The following USP44 variants were observed in gnomAD, a reference collection of about 807,000 sequenced individuals.
USP44 encodes the protein ubiquitin carboxyl-terminal hydrolase 44.
A neutral mutation model predicts 69.0 loss-of-function variants in USP44; 61 were observed. The ratio of observed to expected loss-of-function variants is 0.88; its 90% confidence interval spans 0.72 to 1.09. USP44 has a LOEUF of 1.09. Ranked by LOEUF, USP44 falls within the 50% of genes least tolerant of loss-of-function variation. The pLI is 0.00. For synonymous variants in USP44, 297 were observed against 295.4 expected, an observed-to-expected ratio of 1.01 and a Z score of -0.06; for missense variants, 753 against 849.9, an observed-to-expected ratio of 0.89 and a Z score of 1.42.
At position 95,521,070 on chromosome 12, in the gene USP44, G is replaced by A. The variant is rs376331774; in HGVS notation, c.1866C>T (p.Ser622=). 8.7e-6 allele frequency: 14 copies of A among 1,614,154 alleles called. No homozygotes were observed. The East Asian group carries it at 2.0e-4, about 23-fold the overall frequency. ...CTTTCCCATGGTGCATCACCACCGC[G>A]GACAAGTCATAGATAAAGCATTCTG... The part of the protein sequence containing the change: ...LRPECFIYDL[S]AVVMHHGKGF... Residue 622 remains serine (S), a synonymous_variant, in exon 5 of 6, where the codon TCC becomes TCT. Transcript: ENST00000258499.
At chr12:95,522,595 T>TCACC (rs752796594) in intron 4 of USP44, among the ~76,000 whole-genome samples, 11 of 151,910 alleles carry the variant, frequency 7.2e-5, no homozygotes, top group Non-Finnish European at 1.5e-4. Flanking sequence ...CTGGCTAACA[T>TCACC]GGTGAAACCC....
chr12:95,534,042 A>G lies in USP44; in HGVS notation c.215T>C (p.Val72Ala). 2.5e-6 allele frequency: 4 copies of G among 1,614,112 alleles called. No individual in the cohort carries two copies. Among genetic ancestry groups the G allele is most frequent in the Non-Finnish European group, 3.4e-6 (4 of 1,180,028 alleles). ...QESSHPVALE[V>A]NEMYVFCYLC... ...GTAACAAAAAACGTACATCTCATTC[A>G]CCTCCAATGCAACAGGATGACTGCT... is the stretch of plus-strand genomic sequence containing the variant. The change falls in exon 2 of 6, where the codon GTG becomes GCG. Residue 72 changes from valine (V) to alanine (A), a missense_variant. Physicochemically the swap from Val to Ala is moderately conservative, Grantham distance 64 (BLOSUM62 0). Transcript: ENST00000258499.
intron 3 of USP44, among the ~76,000 whole-genome samples, 188 bp from the exon 4 acceptor site, chr12:95,524,976 T>G (rs1044332900): frequency 6.6e-6 from 1 of 152,234 alleles, no homozygotes; most frequent in Non-Finnish European, 1.5e-5. Context: ...CCAAAAAACT[T>G]AGGAGCTAGT....
At chr12:95,547,730 T>C (rs934049740) in intron 1 of USP44, among the ~76,000 whole-genome samples, 1 of 152,202 alleles carries the variant, frequency 6.6e-6, no homozygotes, top group Non-Finnish European at 1.5e-5. Flanking sequence ...GAAGGTCTTA[T>C]TTCCATGCAA....
intron 5 of USP44, among the ~76,000 whole-genome samples, chr12:95,520,279 T>G (rs1236410136): frequency 6.6e-6 from 1 of 151,458 alleles, no homozygotes; most frequent in Non-Finnish European, 1.5e-5. Context: ...CATCACAAGG[T>G]CAGGAGATTG....
At chr12:95,543,424 A>G (rs1043540383) in intron 1 of USP44, among the ~76,000 whole-genome samples, 107 of 149,976 alleles carry the variant, frequency 7.1e-4, no homozygotes, top group African/African-American at 2.1e-3. Flanking sequence ...AAAAAAAAAA[A>G]AAAAGAAAAA....
At chr12:95,521,393 G>A (rs746789664) in intron 4 of USP44, among the ~76,000 whole-genome samples, 191 bp from the exon 5 acceptor site, 6 of 152,210 alleles carry the variant, frequency 3.9e-5, no homozygotes, top group Non-Finnish European at 7.3e-5. Flanking sequence ...CTTGTAGTTA[G>A]ATGATAATGT....
In USP44 at chr12:95,518,469, T is replaced by G. The variant is rs931024674; in HGVS notation, c.1940-116A>C. The G allele has an allele frequency of 5.8e-6, 6 of 1,041,612 alleles. No homozygotes were observed. The Admixed American group carries it at 7.9e-5, about 14-fold the overall frequency. The allele number at this position is 1,041,612 out of a possible 1,614,324, so 64.5% of individuals were successfully genotyped here. A position where few individuals can be genotyped will look rare whatever the true frequency, so the allele number is the denominator to read the frequency against. ...AATAATTTTCTAGCCAATTCATTTTTCTTTAATGAGAAATATAGATTGGGC... is the reference window on the plus strand; with the variant it reads ...AATAATTTTCTAGCCAATTCATTTTGCTTTAATGAGAAATATAGATTGGGC... On this transcript the variant is annotated intron_variant, in intron 5 of 5. Coordinates refer to ENST00000258499, the MANE Select transcript of USP44 (RefSeq NM_032147.5).
chr12:95,540,169 C>T (rs926499522), intron 1 of USP44, among the ~76,000 whole-genome samples: 12 of 152,296 alleles, frequency 7.9e-5, no homozygotes, highest in African/African-American at 2.6e-4. Flanking sequence ...TTACCCTTAG[C>T]CCTAACCTTT....
chr12:95,518,201 G>A lies in USP44; in HGVS notation c.2092C>T (p.His698Tyr). ...LPPELLLGSQHPNEDADTSSN... is the reference protein window; with the variant it reads ...LPPELLLGSQYPNEDADTSSN... ...GAGGTATCAGCGTCTTCATTGGGAT[G>A]TTGGCTCCCCAACAGGAGCTCTGGA... The change falls in exon 6 of 6, where the codon CAT becomes TAT. Residue 698 changes from histidine to tyrosine, a missense_variant. Physicochemically the swap from His to Tyr is moderately conservative, Grantham distance 83. Transcript: ENST00000258499. 6.2e-7 allele frequency: 1 copy of A among 1,614,174 alleles called. No individual in the cohort carries two copies. Among genetic ancestry groups the A allele is most frequent in the South Asian group, 1.1e-5 (1 of 91,084 alleles).
At chr12:95,540,231 T>C (rs1398012040) in intron 1 of USP44, among the ~76,000 whole-genome samples, 1 of 152,174 alleles carries the variant, frequency 6.6e-6, no homozygotes, top group Non-Finnish European at 1.5e-5. Context: ...GCAACTTACC[T>C]TCCCAAATTA....
intron 2 of USP44, among the ~76,000 whole-genome samples, chr12:95,530,230 G>A (rs914164464): frequency 2.3e-4 from 35 of 152,148 alleles, no homozygotes; most frequent in Admixed American, 1.6e-3. Context: ...CTCTCCTGGC[G>A]TTTATAGTCT....
intron 1 of USP44, 90 bp from the exon 2 acceptor site, chr12:95,534,416 C>T (rs2077131789): frequency 2.9e-6 from 2 of 682,880 alleles, no homozygotes; most frequent in Non-Finnish European, 4.7e-6. Context: ...GTCCTCTGCT[C>T]CCAATTTCTA....
chr12:95,550,400 A>G (rs2077704752), intron 1 of USP44, among the ~76,000 whole-genome samples: 1 of 152,166 alleles, frequency 6.6e-6, no homozygotes, highest in Non-Finnish European at 1.5e-5. Flanking sequence ...TTTTCTATAT[A>G]TTTAAGTGCA....
intron 1 of USP44, chr12:95,547,858 G>A (rs1345843725): frequency 3.9e-5 from 6 of 152,160 alleles, no homozygotes; most frequent in Non-Finnish European, 7.3e-5. Context: ...TTCCTAAATG[G>A]TTTTGCTTCC....
intron 3 of USP44, among the ~76,000 whole-genome samples, chr12:95,528,073 A>C (rs1592691891): frequency 6.6e-6 from 1 of 152,052 alleles, no homozygotes; most frequent in African/African-American, 2.4e-5. Flanking sequence ...TCCTGACCTC[A>C]GGTGATCTGC....
Position 95,533,334 on chromosome 12 carries a change from T to G in USP44, c.923A>C (p.Gln308Pro). 1 of 1,614,078 alleles carries G rather than the reference T, an allele frequency of 6.2e-7. No homozygotes were observed. ...RQCFLKLDLNQWLAMTASEKT... is the reference protein window; with the variant it reads ...RQCFLKLDLNPWLAMTASEKT... ...CTCGCTAGCAGTCATAGCCAGCCAT[T>G]GGTTCAGATCAAGCTTTAAAAAACA... The change falls in exon 2 of 6, where the codon CAA becomes CCA. Residue 308 changes from glutamine to proline, a missense_variant. By Grantham distance (76) the Gln-to-Pro change is moderately conservative. Coordinates refer to ENST00000258499, the MANE Select transcript of USP44 (RefSeq NM_032147.5).
intron 1 of USP44, among the ~76,000 whole-genome samples, chr12:95,536,155 A>T (rs1446265347): frequency 1.4e-5 from 2 of 145,742 alleles, no homozygotes; most frequent in Non-Finnish European, 3.0e-5. Flanking sequence ...CGATTCTCGC[A>T]CCTCAGCATC....
chr12:95,520,289 G>A (rs2140207473), intron 5 of USP44, among the ~76,000 whole-genome samples: 1 of 151,474 alleles, frequency 6.6e-6, no homozygotes, highest in Admixed American at 6.6e-5. Context: ...TCAGGAGATT[G>A]AGACCATCCT....
Sources: gnomAD v4.1 joint callset for allele counts (sites outside exome capture counted in the v4.1 genomes callset) on GRCh38, gnomAD v4.1.1 for gene constraint, MANE v1.5 for transcripts, NCBI Gene and HGNC (gene_info 2026-07-23, HGNC 2026-07-21) for gene names.